The following CNTN4 variants were observed in gnomAD, a reference collection of about 807,000 sequenced individuals.
The protein encoded by CNTN4 is contactin 4, also known as contactin-4.
CNTN4 carries 77 observed loss-of-function variants against 122.5 expected under a neutral mutation model. The observed-to-expected ratio is 0.63, with a 90% CI of 0.52 to 0.76. The LOEUF is 0.76. CNTN4 is among the 30% of genes least tolerant of loss of function. The pLI, the probability that CNTN4 is intolerant of heterozygous loss-of-function variation, is 0.00. For missense variants in CNTN4, 1,256 were observed against 1,259.1 expected (o/e 1.00, Z 0.04); for synonymous variants, 512 against 447.0 (o/e 1.15, Z -1.83).
At chr3:2,308,012 G>A (rs149429182) in intron 2 of CNTN4, among the ~76,000 whole-genome samples, 5 of 152,072 alleles carry the variant, frequency 3.3e-5, no homozygotes, top group East Asian at 1.9e-4. Flanking sequence ...GGAATGTACC[G>A]GTGAAGCCTT....
chr3:2,662,172 G>T (rs2083929475), intron 4 of CNTN4, among the ~76,000 whole-genome samples: 1 of 152,192 alleles, frequency 6.6e-6, no homozygotes, highest in South Asian at 2.1e-4. Context: ...AGTAATTAGT[G>T]TCATGCACAA....
intron 3 of CNTN4, among the ~76,000 whole-genome samples, chr3:2,400,024 A>G (rs983145221): frequency 7.9e-5 from 12 of 152,078 alleles, no homozygotes; most frequent in Non-Finnish European, 1.5e-4. Context: ...GAATGTGGAC[A>G]GACAAACCAA....
At chr3:2,842,872 T>C (rs1160858207) in intron 7 of CNTN4, among the ~76,000 whole-genome samples, 1 of 152,090 alleles carries the variant, frequency 6.6e-6, no homozygotes, top group Non-Finnish European at 1.5e-5. Flanking sequence ...TTCTGGCTTC[T>C]CATTTCCCTG....
chr3:2,307,672 G>C (rs1476845899), intron 2 of CNTN4, among the ~76,000 whole-genome samples: 1 of 151,980 alleles, frequency 6.6e-6, no homozygotes, highest in Non-Finnish European at 1.5e-5. Flanking sequence ...TGTATCAAAT[G>C]ATCATGTGGC....
chr3:2,340,713 A>AGAGAGAGAGAGAGAGAGAGGGG (rs1553627581), intron 3 of CNTN4, among the ~76,000 whole-genome samples: 17 of 124,114 alleles, frequency 1.4e-4, no homozygotes, highest in African/African-American at 1.9e-4. Flanking sequence ...ATATATATAG[A>AGAGAGAGAGAGAGAGAGAGGGG]GAGAGAGAGA....
In CNTN4 at chr3:2,114,833, C is replaced by T. The variant is rs1017498057; in HGVS notation, c.-145+14194C>T. Reference sequence around the variant, plus strand: ...ATCTGCTGACCAATATATTTTCTGGCATCATTCCGTGTTTCTCTCTTGTGA... The same window carrying T: ...ATCTGCTGACCAATATATTTTCTGGTATCATTCCGTGTTTCTCTCTTGTGA... On this transcript the variant is annotated intron_variant, in intron 2 of 24. Coordinates refer to ENST00000418658, the MANE Select transcript of CNTN4 (RefSeq NM_175607.3). Among the ~76,000 whole-genome samples the T allele has an allele frequency of 3.9e-5, 6 of 152,318 alleles. No homozygotes were observed. In the South Asian group the frequency reaches 1.2e-3, roughly 32 times the overall value.
intron 6 of CNTN4, among the ~76,000 whole-genome samples, chr3:2,770,793 A>G (rs1440066084): frequency 6.6e-6 from 1 of 152,220 alleles, no homozygotes; most frequent in African/African-American, 2.4e-5. Flanking sequence ...GTATGGTGAG[A>G]TGCTCAGTGT....
At chr3:2,686,645 G>T (rs1487726605) in intron 4 of CNTN4, among the ~76,000 whole-genome samples, 1 of 152,108 alleles carries the variant, frequency 6.6e-6, no homozygotes, top group Non-Finnish European at 1.5e-5. Flanking sequence ...GTTACTATTT[G>T]TGTGTGTGTC....
chr3:2,271,001 A>T (rs1012092916), intron 2 of CNTN4, among the ~76,000 whole-genome samples: 3 of 152,166 alleles, frequency 2.0e-5, no homozygotes, highest in African/African-American at 7.2e-5. Context: ...TCTGAATATT[A>T]ATTAGACCAC....
chr3:2,227,390 G>A (rs1478875388), intron 2 of CNTN4, among the ~76,000 whole-genome samples: 1 of 152,108 alleles, frequency 6.6e-6, no homozygotes, highest in Non-Finnish European at 1.5e-5. Context: ...AGGTGCTTTT[G>A]TCAGCCAGCT....
chr3:2,805,791 A>G (rs2092451958), intron 6 of CNTN4, among the ~76,000 whole-genome samples: 1 of 152,088 alleles, frequency 6.6e-6, no homozygotes, highest in Non-Finnish European at 1.5e-5. Context: ...CTTGATCCTC[A>G]TTGTTCTGGG....
chr3:2,721,817 T>G (rs1465943871), intron 4 of CNTN4, among the ~76,000 whole-genome samples: 2 of 152,182 alleles, frequency 1.3e-5, no homozygotes, highest in Admixed American at 6.5e-5. Flanking sequence ...TTTGTCCCCA[T>G]TAAGTTCATA....
chr3:2,920,607 C>G (rs181757802), intron 12 of CNTN4, among the ~76,000 whole-genome samples: 3 of 151,992 alleles, frequency 2.0e-5, no homozygotes, highest in Non-Finnish European at 4.4e-5. Context: ...ATGTGTTTCT[C>G]GGACTCTAAG....
At chr3:3,053,653 C>T (rs1201537685) in intron 23 of CNTN4, among the ~76,000 whole-genome samples, 154 bp from the exon 24 acceptor site, 1 of 152,194 alleles carries the variant, frequency 6.6e-6, no homozygotes. Flanking sequence ...TCATGGCCCT[C>T]ACTGCAAATG....
chr3:2,430,921 G>C (rs1030434036), intron 3 of CNTN4, among the ~76,000 whole-genome samples: 4 of 152,108 alleles, frequency 2.6e-5, no homozygotes, highest in Non-Finnish European at 5.9e-5. Flanking sequence ...ATGAAAATTA[G>C]AATTGAATCA....
At chr3:2,785,747 G>A (rs560433292) in intron 6 of CNTN4, among the ~76,000 whole-genome samples, 9 of 152,130 alleles carry the variant, frequency 5.9e-5, no homozygotes, top group East Asian at 5.8e-4. Flanking sequence ...GAAGTGATAC[G>A]GACAGGAGAC....
chr3:2,270,549 T>G (rs963171940), intron 2 of CNTN4, among the ~76,000 whole-genome samples: 7 of 152,164 alleles, frequency 4.6e-5, no homozygotes, highest in Non-Finnish European at 7.4e-5. Flanking sequence ...TGTGGGGCCC[T>G]ACTTTCCTTC....
chr3:2,792,156 T>C (rs1324384898), intron 6 of CNTN4, among the ~76,000 whole-genome samples: 1 of 152,228 alleles, frequency 6.6e-6, no homozygotes, highest in Non-Finnish European at 1.5e-5. Flanking sequence ...GTCACACTCA[T>C]GCATCCCAGC....
At chr3:2,932,094 T>G (rs1259640422) in intron 13 of CNTN4, among the ~76,000 whole-genome samples, 4 of 152,034 alleles carry the variant, frequency 2.6e-5, no homozygotes, top group African/African-American at 9.7e-5. Context: ...AGTACAAATT[T>G]AGGCCGGGCG....
Sources: gnomAD v4.1 joint callset for allele counts (sites outside exome capture counted in the v4.1 genomes callset) on GRCh38, gnomAD v4.1.1 for gene constraint, MANE v1.5 for transcripts, NCBI Gene and HGNC (gene_info 2026-07-23, HGNC 2026-07-21) for gene names.